The following MYO1E variants were observed in gnomAD, a reference collection of about 807,000 sequenced individuals.
The protein encoded by MYO1E is myosin IE, also known as unconventional myosin-Ie.
MYO1E carries 68 observed loss-of-function variants against 151.1 expected under a neutral mutation model. The observed-to-expected ratio is 0.45, with a 90% CI of 0.37 to 0.55. The LOEUF (loss-of-function observed/expected upper bound fraction) is 0.55, where lower values mean the gene tolerates loss of function less well. Among genes scored for constraint, MYO1E ranks in the 20% least tolerant of loss-of-function variants. The pLI is 0.00. For missense variants in MYO1E, 1,363 were observed against 1,389.3 expected, an observed-to-expected ratio of 0.98 and a Z score of 0.30; for synonymous variants, 601 against 501.7, an observed-to-expected ratio of 1.20 and a Z score of -2.64.
At chr15:59,224,040 C>G (rs2140349981) in intron 8 of MYO1E, among the ~76,000 whole-genome samples, 1 of 152,248 alleles carries the variant, frequency 6.6e-6, no homozygotes, top group African/African-American at 2.4e-5. Context: ...AGGAATAGTC[C>G]CCAGCTTGAA....
intron 9 of MYO1E, among the ~76,000 whole-genome samples, chr15:59,220,172 G>C (rs1470765914): frequency 2.0e-5 from 3 of 152,262 alleles, no homozygotes; most frequent in Admixed American, 2.0e-4. Flanking sequence ...TGTTTGGCCA[G>C]GTGTGGTGGC....
chr15:59,144,986 G>A (rs1355094686), intron 26 of MYO1E, among the ~76,000 whole-genome samples: 1 of 151,992 alleles, frequency 6.6e-6, no homozygotes, highest in African/African-American at 2.4e-5. Flanking sequence ...TGGGACTACA[G>A]GCATGCACCA....
chr15:59,366,521 T>C (rs956098696), intron 1 of MYO1E, among the ~76,000 whole-genome samples: 4 of 152,166 alleles, frequency 2.6e-5, no homozygotes, highest in Admixed American at 6.6e-5. Context: ...TTTTATTACA[T>C]AGCTCATAAA....
intron 5 of MYO1E, among the ~76,000 whole-genome samples, chr15:59,235,343 G>T (rs1266179063): frequency 6.6e-6 from 1 of 152,140 alleles, no homozygotes; most frequent in Non-Finnish European, 1.5e-5. Flanking sequence ...AGTTTCTTGT[G>T]TATACTTCGA....
chr15:59,313,199 A>G (rs1450002153), intron 1 of MYO1E, among the ~76,000 whole-genome samples: 1 of 152,260 alleles, frequency 6.6e-6, no homozygotes, highest in Non-Finnish European at 1.5e-5. Context: ...ATCTCCAACT[A>G]GATTTCATTT....
At chr15:59,190,922 A>G (rs780582255) in intron 17 of MYO1E, among the ~76,000 whole-genome samples, 6 of 152,136 alleles carry the variant, frequency 3.9e-5, no homozygotes, top group Non-Finnish European at 1.5e-5. Context: ...TGAGGTATAC[A>G]GGACAAGGCA....
At chr15:59,170,151 ACT>A (rs1319993887) in intron 22 of MYO1E, among the ~76,000 whole-genome samples, 4 of 151,112 alleles carry the variant, frequency 2.6e-5, no homozygotes, top group African/African-American at 9.8e-5. Context: ...ACAGAGCGAG[ACT>A]CTGTCTAAAA....
intron 1 of MYO1E, among the ~76,000 whole-genome samples, chr15:59,369,652 G>A (rs1275449157): frequency 6.6e-6 from 1 of 152,086 alleles, no homozygotes; most frequent in African/African-American, 2.4e-5. Flanking sequence ...TTAGGAAAAA[G>A]ACACAAGTAA....
chr15:59,208,410 A>G (rs1206991526), intron 14 of MYO1E: 1 of 576,574 alleles, frequency 1.7e-6, no homozygotes, highest in Non-Finnish European at 3.1e-6. Flanking sequence ...CATTAGATAT[A>G]TGCTATTTCT....
intron 1 of MYO1E, among the ~76,000 whole-genome samples, chr15:59,358,066 A>T (rs1386331774): frequency 1.3e-5 from 2 of 152,152 alleles, no homozygotes; most frequent in Non-Finnish European, 2.9e-5. Context: ...TGCTGCAAAA[A>T]ACTGAAGACT....
chr15:59,137,299 T>G lies in MYO1E; in HGVS notation c.*81A>C. The G allele has an allele frequency of 1.6e-6, 2 of 1,253,690 alleles. No individual in the cohort carries two copies. Among genetic ancestry groups the G allele is most frequent in the Admixed American group, 3.4e-5 (2 of 58,716 alleles). The allele number at this position is 1,253,690 out of a possible 1,614,324, so 77.7% of individuals were successfully genotyped here. On this transcript the variant is annotated 3_prime_UTR_variant, in exon 28 of 28. Coordinates refer to ENST00000288235, the MANE Select transcript of MYO1E (RefSeq NM_004998.4). ...GGAGAAGCAATTGCTCATTGTGGAT[T>G]GTAAGGGGAGCCCCTAAATATCCCC... is the stretch of plus-strand genomic sequence containing the variant.
chr15:59,190,174 A>G (rs2079724567), intron 17 of MYO1E, among the ~76,000 whole-genome samples: 1 of 152,184 alleles, frequency 6.6e-6, no homozygotes, highest in Admixed American at 6.5e-5. Context: ...AGCTGGCTGA[A>G]CCAGACACTT....
At chr15:59,209,830 T>C (rs1251949753) in intron 13 of MYO1E, among the ~76,000 whole-genome samples, 12 of 109,026 alleles carry the variant, frequency 1.1e-4, no homozygotes, top group African/African-American at 4.0e-4. Flanking sequence ...TTTTTTTTTT[T>C]TTTTTTTTTT....
chr15:59,270,184 C>T (rs2080281084), intron 2 of MYO1E, among the ~76,000 whole-genome samples: 1 of 152,140 alleles, frequency 6.6e-6, no homozygotes, highest in Admixed American at 6.5e-5. Flanking sequence ...GTTTGCACCA[C>T]ACACAATAAG....
rs375361492 is a variant in MYO1E at position 59,316,603 on chromosome 15, A to C, written c.4-44154T>G. Among the ~76,000 whole-genome samples the C allele has an allele frequency of 2.6e-5, 4 of 152,306 alleles. No homozygotes were observed. The East Asian group carries it at 7.7e-4, about 29-fold the overall frequency. On this transcript the variant is annotated intron_variant, in intron 1 of 27. Coordinates refer to ENST00000288235, the MANE Select transcript of MYO1E (RefSeq NM_004998.4). Reference sequence around the variant, plus strand: ...GCTTTTTTACATTTGTCTTTCCTACATTATTTATTTTTTATTTTTCGGAAG... The same window carrying C: ...GCTTTTTTACATTTGTCTTTCCTACCTTATTTATTTTTTATTTTTCGGAAG...
chr15:59,304,140 G>C (rs535453031), intron 1 of MYO1E, among the ~76,000 whole-genome samples: 7 of 152,002 alleles, frequency 4.6e-5, no homozygotes, highest in African/African-American at 1.7e-4. Context: ...ACACCGCCAC[G>C]CCTAGCTAAT....
At chr15:59,372,149 C>T (rs1166645009) in intron 1 of MYO1E, among the ~76,000 whole-genome samples, 2 of 151,298 alleles carry the variant, frequency 1.3e-5, no homozygotes, top group African/African-American at 2.4e-5. Context: ...GCCGGCTGCG[C>T]CCCCCACGTC....
chr15:59,162,633 G>A (rs760203174), intron 23 of MYO1E, among the ~76,000 whole-genome samples: 19 of 141,884 alleles, frequency 1.3e-4, no homozygotes, highest in Admixed American at 3.0e-4. Flanking sequence ...GCAACAGAAC[G>A]AGACGCCATC....
chr15:59,177,352 G>C (rs1327219127), intron 19 of MYO1E, among the ~76,000 whole-genome samples: 1 of 152,190 alleles, frequency 6.6e-6, no homozygotes, highest in African/African-American at 2.4e-5. Context: ...GTCTCAGGCT[G>C]ATCCTACGAG....
Sources: gnomAD v4.1 joint callset for allele counts (sites outside exome capture counted in the v4.1 genomes callset) on GRCh38, gnomAD v4.1.1 for gene constraint, MANE v1.5 for transcripts, NCBI Gene and HGNC (gene_info 2026-07-23, HGNC 2026-07-21) for gene names.